The following AGAP1 variants were observed in gnomAD, a reference collection of about 807,000 sequenced individuals.
The protein encoded by AGAP1 is ArfGAP with GTPase domain, ankyrin repeat and PH domain 1, also known as arf-GAP with GTPase, ANK repeat and PH domain-containing protein 1.
AGAP1 carries 29 observed loss-of-function variants against 105.3 expected under a neutral mutation model. The ratio of observed to expected loss-of-function variants is 0.28; its 90% CI spans 0.21 to 0.38. The LOEUF is 0.38. AGAP1 is among the 10% of genes least tolerant of loss of function. The probability of loss-of-function intolerance (pLI) is 1.00; values close to 1 mark genes in which losing one functional copy is unlikely to be tolerated. For missense variants in AGAP1, 998 were observed against 1,165.1 expected (o/e 0.86, Z 2.09); for synonymous variants, 509 against 485.9 (o/e 1.05, Z -0.63).
intron 9 of AGAP1, 126 bp downstream of exon 9, chr2:235,807,457 C>A: frequency 2.8e-6 from 2 of 726,174 alleles, no homozygotes; most frequent in Non-Finnish European, 4.3e-6. Context: ...AGAAGTCTCT[C>A]ACTTGACATC....
chr2:236,096,784 G>A lies in AGAP1; in HGVS notation c.2115-23408G>A, dbSNP rs377543327. On this transcript the variant is annotated intron_variant, in intron 16 of 17. Transcript: ENST00000304032. This position sits in a 1 kb window ranked among gnomAD's most constrained non-coding sequence, Gnocchi z 4.4. ...ATTTTAGTAGAAATGGAGTTTCACCGTGTTGGCCAGGCTGGTCTCGAGCTC... is the reference window on the plus strand; with the variant it reads ...ATTTTAGTAGAAATGGAGTTTCACCATGTTGGCCAGGCTGGTCTCGAGCTC... Among the ~76,000 whole-genome samples the A allele has an allele frequency of 3.2e-4, 48 of 151,852 alleles. No individual in the cohort carries two copies. In the South Asian group the frequency reaches 5.0e-3, roughly 16 times the overall value.
chr2:235,996,681 G>T (rs1480125672), intron 13 of AGAP1, among the ~76,000 whole-genome samples: 1 of 152,218 alleles, frequency 6.6e-6, no homozygotes, highest in Non-Finnish European at 1.5e-5. Flanking sequence ...ACAGCTCCCA[G>T]CCTGCAGGAA....
At position 235,906,367 on chromosome 2, in the gene AGAP1, C is replaced by T. The variant is rs755814194; in HGVS notation, c.1156-2371C>T. Reference sequence around the variant, plus strand: ...TGGTCTTCAGCCCATTGTTCTTCCTCCTGGTTCTGACCCTGGTGTTTTGAG... The same window carrying T: ...TGGTCTTCAGCCCATTGTTCTTCCTTCTGGTTCTGACCCTGGTGTTTTGAG... On this transcript the variant is annotated intron_variant, in intron 10 of 17. Coordinates refer to ENST00000304032, the MANE Select transcript of AGAP1 (RefSeq NM_001037131.3). This position sits in a 1 kb window ranked among gnomAD's most constrained non-coding sequence, Gnocchi z 5.3. Among the ~76,000 whole-genome samples the T allele has an allele frequency of 6.6e-5, 10 of 152,298 alleles. No individual in the cohort carries two copies. The highest frequency in any genetic ancestry group is 3.4e-3 in the Middle Eastern group (1 of 294).
chr2:235,917,726 G>A (rs1446132098), intron 11 of AGAP1, among the ~76,000 whole-genome samples: 1 of 152,172 alleles, frequency 6.6e-6, no homozygotes, highest in East Asian at 1.9e-4. Flanking sequence ...TAGGAACAGT[G>A]ACAAAGGTTT....
At position 236,045,904 on chromosome 2, in the gene AGAP1, C is replaced by T. The variant is rs943562396; in HGVS notation, c.1892-3155C>T. 4.9e-5 allele frequency: 23 copies of T among 469,432 alleles called. No homozygotes were observed. The highest frequency in any genetic ancestry group is 1.4e-4 in the East Asian group (2 of 14,360). 29.1% of individuals were successfully genotyped at this position (469,432 alleles called of 1,614,324 possible). A position where few individuals can be genotyped will look rare whatever the true frequency, so the allele number is the denominator to read the frequency against. The stretch of plus-strand genomic sequence containing the variant: ...GGGTGGTGAGCATGGGGCCCTGGAA[C>T]ACTGTGCCCCCGCCCCCTGCAACAT... On this transcript the variant is annotated intron_variant, in intron 15 of 17. Coordinates refer to ENST00000304032, the MANE Select transcript of AGAP1 (RefSeq NM_001037131.3). This position sits in a 1 kb window ranked among gnomAD's most constrained non-coding sequence, Gnocchi z 6.9.
Position 235,779,101 on chromosome 2 carries a change from G to A in AGAP1, c.674-18658G>A, listed in dbSNP as rs534740915. ...GGGAACCCAGGCAGTCAGCTTCGGC[G>A]CTCCCCACCCCTGTTAGGCAACCTA... On this transcript the variant is annotated intron_variant, in intron 6 of 17. Coordinates refer to ENST00000304032, the MANE Select transcript of AGAP1 (RefSeq NM_001037131.3). 5.7e-4 allele frequency among the ~76,000 whole-genome samples: 87 copies of A among 152,292 alleles called. No individual in the cohort carries two copies. The South Asian group carries it at 0.016, about 28-fold the overall frequency.
In AGAP1 at chr2:235,994,560, C is replaced by T. The variant is rs1035823133; in HGVS notation, c.1645+25937C>T. On this transcript the variant is annotated intron_variant, in intron 13 of 17. Transcript: ENST00000304032. This position sits in a 1 kb window ranked among gnomAD's most constrained non-coding sequence, Gnocchi z 4.4. ...ATAGTGGGGACACACTGAGAGGTTA[C>T]TTTCTACCAAACTGTTTCCTAATTG... is the stretch of plus-strand genomic sequence containing the variant. Among the ~76,000 whole-genome samples the T allele has an allele frequency of 6.6e-6, 1 of 151,752 alleles. No individual in the cohort carries two copies. The highest frequency in any genetic ancestry group is 1.5e-5 in the Non-Finnish European group (1 of 67,970).
At chr2:236,007,769 TG>T in intron 13 of AGAP1, among the ~76,000 whole-genome samples, 1 of 152,202 alleles carries the variant, frequency 6.6e-6, no homozygotes. Flanking sequence ...AGGGCTAAGG[TG>T]GCCCCTGCTC....
chr2:235,674,716 A>C (rs1183565421), intron 1 of AGAP1, among the ~76,000 whole-genome samples: 1 of 132,076 alleles, frequency 7.6e-6, no homozygotes, highest in African/African-American at 3.1e-5. Context: ...TTTTTGATGG[A>C]GTCTCACTCT....
At chr2:236,074,593 A>G (rs1481664163) in intron 16 of AGAP1, among the ~76,000 whole-genome samples, 3 of 152,242 alleles carry the variant, frequency 2.0e-5, no homozygotes, top group Non-Finnish European at 4.4e-5. Context: ...TTTCTGAACC[A>G]CACTCAACCA....
At position 235,608,236 on chromosome 2, in the gene AGAP1, A is replaced by G. The variant is rs868251122; in HGVS notation, c.164-100943A>G. On this transcript the variant is annotated intron_variant, in intron 1 of 17. Coordinates refer to ENST00000304032, the MANE Select transcript of AGAP1 (RefSeq NM_001037131.3). The surrounding 1 kb of genome is among the most constrained non-coding windows in gnomAD (Gnocchi z 5.4). The stretch of plus-strand genomic sequence containing the variant: ...AGCAGTTCTTCTTCATCTTGCAGGG[A>G]AAGTGTGTTGGCAAACATGCTGGAT... 2.2e-4 allele frequency among the ~76,000 whole-genome samples: 34 copies of G among 152,222 alleles called. No homozygotes were observed. Among genetic ancestry groups the G allele is most frequent in the African/African-American group, 8.2e-4 (34 of 41,524 alleles).
At chr2:235,933,734 T>A (rs906322452) in intron 12 of AGAP1, among the ~76,000 whole-genome samples, 1 of 152,162 alleles carries the variant, frequency 6.6e-6, no homozygotes, top group South Asian at 2.1e-4. Context: ...GGTTTCACCA[T>A]GTTGGCCGGG....
In AGAP1 at chr2:235,997,554, G is replaced by A. The variant is rs538833104; in HGVS notation, c.1645+28931G>A. 2.3e-3 allele frequency among the ~76,000 whole-genome samples: 355 copies of A among 151,526 alleles called. 2 individuals carry two copies. The highest frequency in any genetic ancestry group is 7.9e-3 in the African/African-American group (326 of 41,230). On this transcript the variant is annotated intron_variant, in intron 13 of 17. Coordinates refer to ENST00000304032, the MANE Select transcript of AGAP1 (RefSeq NM_001037131.3). ...TGGAGCCCTGTCTTGTGCCTTCCAC[G>A]CCCGCAGCATCTACACTGACTGTGT...
At chr2:236,021,295 T>C (rs1161271415) in intron 13 of AGAP1, among the ~76,000 whole-genome samples, 12 of 152,054 alleles carry the variant, frequency 7.9e-5, no homozygotes. Flanking sequence ...TTTGAAAGGA[T>C]GACAGTCTTG....
intron 1 of AGAP1, among the ~76,000 whole-genome samples, chr2:235,696,877 G>A (rs933231027): frequency 6.6e-6 from 1 of 152,078 alleles, no homozygotes; most frequent in East Asian, 1.9e-4. Context: ...CTAGCTACTC[G>A]GGAGGCTGAG....
At chr2:235,540,643 C>T (rs544611281) in intron 1 of AGAP1, among the ~76,000 whole-genome samples, 123 of 152,248 alleles carry the variant, frequency 8.1e-4, no homozygotes, top group Admixed American at 1.6e-3. Context: ...AAATCTTCCC[C>T]TTGCAGTGCT....
At chr2:235,899,986 G>A (rs1380662235) in intron 10 of AGAP1, among the ~76,000 whole-genome samples, 1 of 152,214 alleles carries the variant, frequency 6.6e-6, no homozygotes, top group Non-Finnish European at 1.5e-5. Context: ...TTGATTTGTA[G>A]TAGAATAACT....
chr2:235,787,458 C>T lies in AGAP1; in HGVS notation c.674-10301C>T, dbSNP rs541338084. ...CTCTCTTTATAGCACTTTCTATATC[C>T]CACATGCTGCCACTTATCTAACACA... is the stretch of plus-strand genomic sequence containing the variant. On this transcript the variant is annotated intron_variant, in intron 6 of 17. Coordinates refer to ENST00000304032, the MANE Select transcript of AGAP1 (RefSeq NM_001037131.3). This position sits in a 1 kb window ranked among gnomAD's most constrained non-coding sequence, Gnocchi z 4.4. 3.3e-5 allele frequency among the ~76,000 whole-genome samples: 5 copies of T among 152,252 alleles called. No homozygotes were observed. In the East Asian group the frequency reaches 9.7e-4, roughly 29 times the overall value.
rs567442793 is a variant in AGAP1, at chr2:236,027,771, C to T, written c.1646-8790C>T. 5.9e-5 allele frequency among the ~76,000 whole-genome samples: 9 copies of T among 152,094 alleles called. No individual in the cohort carries two copies. The highest frequency in any genetic ancestry group is 7.4e-5 in the Non-Finnish European group (5 of 68,026). On this transcript the variant is annotated intron_variant, in intron 13 of 17. Coordinates refer to ENST00000304032, the MANE Select transcript of AGAP1 (RefSeq NM_001037131.3). The surrounding 1 kb of genome is among the most constrained non-coding windows in gnomAD (Gnocchi z 4.4). ...ACAGAAACCCCAAAGAGCTGTTCAT[C>T]GGCGTCTCACTACATGGTGAACTGC...
Sources: allele counts gnomAD v4.1 joint callset (sites outside exome capture counted in the v4.1 genomes callset), GRCh38; gene constraint gnomAD v4.1.1; non-coding constraint Gnocchi (gnomAD v3.1); transcripts MANE v1.5; gene names NCBI Gene and HGNC (gene_info 2026-07-23, HGNC 2026-07-21).